GPR141: variants seen among roughly 807,000 people sequenced by gnomAD.
GPR141 encodes the protein G protein-coupled receptor 141.
In GPR141, 6 loss-of-function variants were observed where a neutral mutation model predicts 6.8. That is an observed-to-expected ratio of 0.88 (90% CI 0.48 to 1.74). The LOEUF (loss-of-function observed/expected upper bound fraction) is 1.74, where lower values mean the gene tolerates loss of function less well. Among genes scored for constraint, GPR141 ranks in the 40% most tolerant of loss-of-function variants. The pLI, the probability that GPR141 is intolerant of heterozygous loss-of-function variation, is 0.01. For missense variants in GPR141, 372 were observed against 372.9 expected, an observed-to-expected ratio of 1.00 and a Z score of 0.02; for synonymous variants, 140 against 142.3, an observed-to-expected ratio of 0.98 and a Z score of 0.11.
chr7:37,726,199 G>T (rs182105470), intron 2 of GPR141, among the ~76,000 whole-genome samples: 1 of 152,300 alleles, frequency 6.6e-6, no homozygotes, highest in African/African-American at 2.4e-5. Context: ...GGGGAGGAGG[G>T]ATCACATCCT....
intron 2 of GPR141, among the ~76,000 whole-genome samples, chr7:37,736,383 A>C (rs1409302570): frequency 6.6e-6 from 1 of 152,080 alleles, no homozygotes; most frequent in African/African-American, 2.4e-5. Flanking sequence ...CTTTAAGAGG[A>C]GATAACAGAT....
chr7:37,698,803 T>A (rs1810143621), intron 2 of GPR141, among the ~76,000 whole-genome samples: 1 of 152,144 alleles, frequency 6.6e-6, no homozygotes, highest in Non-Finnish European at 1.5e-5. Flanking sequence ...ACATCTGAAA[T>A]AAAAGAAAAT....
chr7:37,693,761 G>A (rs1409199033), intron 2 of GPR141, among the ~76,000 whole-genome samples: 1 of 152,136 alleles, frequency 6.6e-6, no homozygotes, highest in Non-Finnish European at 1.5e-5. Flanking sequence ...CAGACTCTAG[G>A]GGGCTAGTCC....
At chr7:37,710,324 A>G (rs1810732872) in intron 2 of GPR141, among the ~76,000 whole-genome samples, 1 of 152,152 alleles carries the variant, frequency 6.6e-6, no homozygotes, top group Non-Finnish European at 1.5e-5. Context: ...ACTCAGCTAC[A>G]TGCAACTACA....
intron 2 of GPR141, among the ~76,000 whole-genome samples, chr7:37,700,627 G>T (rs1269049039): frequency 6.6e-6 from 1 of 151,958 alleles, no homozygotes; most frequent in Admixed American, 6.6e-5. Context: ...TAACTGGTAC[G>T]GTACATTGTT....
In GPR141 at chr7:37,740,827, T is replaced by C; in HGVS notation, c.434T>C (p.Val145Ala). The part of the protein sequence containing the change: ...ASAGMWTLVI[V>A]IVVPLVVSRY... The stretch of plus-strand genomic sequence containing the variant: ...GCTGGCATGTGGACGCTGGTGATTG[T>C]CATTGTGGTACCCCTGGTTGTCTCC... The change falls in exon 3 of 3, where the codon GTC becomes GCC. Residue 145 changes from valine to alanine, a missense_variant. Val to Ala is a moderately conservative substitution (Grantham distance 64, BLOSUM62 0). Coordinates refer to ENST00000334425, the MANE Select transcript of GPR141 (RefSeq NM_001381946.1). 1 of 1,614,170 alleles carries C rather than the reference T, an allele frequency of 6.2e-7. No individual in the cohort carries two copies. Among genetic ancestry groups the C allele is most frequent in the Non-Finnish European group, 8.5e-7 (1 of 1,180,000 alleles).
At chr7:37,690,782 A>G (rs554224569) in intron 2 of GPR141, among the ~76,000 whole-genome samples, 1 of 152,042 alleles carries the variant, frequency 6.6e-6, no homozygotes, top group South Asian at 2.1e-4. Flanking sequence ...AAAAAAGTGT[A>G]TTCTGCAGCC....
intron 2 of GPR141, among the ~76,000 whole-genome samples, chr7:37,696,842 C>T (rs1810037324): frequency 6.6e-6 from 1 of 152,030 alleles, no homozygotes; most frequent in Non-Finnish European, 1.5e-5. Context: ...TCTCCTCTCC[C>T]CAGTCACCCT....
chr7:37,695,795 C>T (rs1809989968), intron 2 of GPR141, among the ~76,000 whole-genome samples: 1 of 152,174 alleles, frequency 6.6e-6, no homozygotes, highest in African/African-American at 2.4e-5. Flanking sequence ...TCTCTTTAAA[C>T]ACTTATGTAG....
At chr7:37,689,637 C>T (rs1479886450) in intron 2 of GPR141, among the ~76,000 whole-genome samples, 1 of 151,840 alleles carries the variant, frequency 6.6e-6, no homozygotes, top group Non-Finnish European at 1.5e-5. Context: ...GTGTATGTGT[C>T]CATGAATTTA....
At chr7:37,709,253 A>C (rs908896793) in intron 2 of GPR141, among the ~76,000 whole-genome samples, 3 of 152,260 alleles carry the variant, frequency 2.0e-5, no homozygotes, top group African/African-American at 4.8e-5. Context: ...ACTTCCAATA[A>C]ATAAATATAT....
rs945102325 is a variant in GPR141 at position 37,741,732 on chromosome 7, C to G, written c.*421C>G. On this transcript the variant is annotated 3_prime_UTR_variant, in exon 3 of 3. Transcript: ENST00000334425. The stretch of plus-strand genomic sequence containing the variant: ...TTAGGTAAGTAAATTCTGGCCACCA[C>G]CCAGCTCCAAAGACACAAACTCTCC... Among the ~76,000 whole-genome samples, 1 of 152,176 alleles carries G rather than the reference C, an allele frequency of 6.6e-6. No individual in the cohort carries two copies. Among genetic ancestry groups the G allele is most frequent in the Non-Finnish European group, 1.5e-5 (1 of 68,028 alleles).
At chr7:37,691,668 G>C (rs1346125284) in intron 2 of GPR141, among the ~76,000 whole-genome samples, 3 of 152,150 alleles carry the variant, frequency 2.0e-5, no homozygotes, top group Non-Finnish European at 4.4e-5. Context: ...TTTTGCTTTA[G>C]ATGTAGGACT....
chr7:37,731,239 TCAGGGATTAGAGA>T (rs1811914568), intron 2 of GPR141, among the ~76,000 whole-genome samples: 1 of 152,230 alleles, frequency 6.6e-6, no homozygotes, highest in African/African-American at 2.4e-5. Context: ...TCATCTCTTC[TCAGGGATTAGAGA>T]CAGGCTGTTA....
chr7:37,734,997 G>T (rs1209412879), intron 2 of GPR141, among the ~76,000 whole-genome samples: 1 of 152,136 alleles, frequency 6.6e-6, no homozygotes, highest in Non-Finnish European at 1.5e-5. Context: ...TGTATGTTGG[G>T]GAGGAAGTTA....
intron 2 of GPR141, among the ~76,000 whole-genome samples, chr7:37,690,259 C>A (rs1258034903): frequency 1.3e-5 from 2 of 151,904 alleles, no homozygotes; most frequent in Non-Finnish European, 2.9e-5. Context: ...CTTTGGATGT[C>A]CCCTCCGAAT....
At chr7:37,734,756 A>G (rs1300104179) in intron 2 of GPR141, among the ~76,000 whole-genome samples, 2 of 152,218 alleles carry the variant, frequency 1.3e-5, no homozygotes, top group African/African-American at 4.8e-5. Context: ...TTCCCTAAAG[A>G]ACTGATAGTA....
chr7:37,740,332 C>A, intron 2 of GPR141, 48 bp from the exon 3 acceptor site: 1 of 1,213,808 alleles, frequency 8.2e-7, no homozygotes, highest in Non-Finnish European at 1.2e-6. Context: ...GAGATAGGAA[C>A]AAAGCTCTGA....
Position 37,718,221 on chromosome 7 carries a change from G to C in GPR141, c.-14-22159G>C, listed in dbSNP as rs145790528. On this transcript the variant is annotated intron_variant, in intron 2 of 2. Transcript: ENST00000334425. ...GAATTAGCAAATAGATTCACAGATA[G>C]ACATTGTATAAGTGCTATAAAGAAA... is the stretch of plus-strand genomic sequence containing the variant. Among the ~76,000 whole-genome samples the C allele has an allele frequency of 5.2e-3, 798 of 152,196 alleles. 12 individuals carry two copies. Among genetic ancestry groups the C allele is most frequent in the African/African-American group, 0.019 (772 of 41,518 alleles).
Sources: allele counts gnomAD v4.1 joint callset (sites outside exome capture counted in the v4.1 genomes callset), GRCh38; gene constraint gnomAD v4.1.1; transcripts MANE v1.5; gene names NCBI Gene and HGNC (gene_info 2026-07-23, HGNC 2026-07-21).